The following SUSD6 variants were observed in gnomAD, a reference collection of about 807,000 sequenced individuals.
The protein encoded by SUSD6 is sushi domain containing 6, also known as sushi domain-containing protein 6.
In SUSD6, 16 loss-of-function variants were observed where a neutral mutation model predicts 28.4. The observed-to-expected ratio is 0.56, with a 90% CI of 0.38 to 0.86. The LOEUF (loss-of-function observed/expected upper bound fraction) is 0.86, where lower values mean the gene tolerates loss of function less well. Ranked by LOEUF, SUSD6 falls within the 40% of genes least tolerant of loss-of-function variation. The pLI is 0.00. For synonymous variants in SUSD6, 147 were observed against 159.6 expected, an observed-to-expected ratio of 0.92 and a Z score of 0.59; for missense variants, 341 against 384.2, an observed-to-expected ratio of 0.89 and a Z score of 0.94.
chr14:69,615,247 A>G (rs1393390884), intron 1 of SUSD6, among the ~76,000 whole-genome samples: 1 of 152,228 alleles, frequency 6.6e-6, no homozygotes, highest in Non-Finnish European at 1.5e-5. Flanking sequence ...CACGAGCTCC[A>G]TAGTACTCAG....
At chr14:69,627,540 G>A (rs975757075) in intron 1 of SUSD6, among the ~76,000 whole-genome samples, 2 of 152,042 alleles carry the variant, frequency 1.3e-5, no homozygotes, top group Non-Finnish European at 2.9e-5. Flanking sequence ...TGCAGTGGCA[G>A]GATCTTGGCT....
chr14:69,643,489 G>C (rs1885383033), intron 1 of SUSD6, among the ~76,000 whole-genome samples: 1 of 152,176 alleles, frequency 6.6e-6, no homozygotes, highest in African/African-American at 2.4e-5. Flanking sequence ...AGAAGATTCT[G>C]TGCATCCTGA....
At chr14:69,651,105 A>G (rs1885497970) in intron 1 of SUSD6, among the ~76,000 whole-genome samples, 1 of 152,212 alleles carries the variant, frequency 6.6e-6, no homozygotes, top group African/African-American at 2.4e-5. Context: ...GGGATCATCC[A>G]GGTTCACCCC....
At chr14:69,686,137 C>T (rs1244514510) in intron 2 of SUSD6, among the ~76,000 whole-genome samples, 1 of 152,112 alleles carries the variant, frequency 6.6e-6, no homozygotes, top group Non-Finnish European at 1.5e-5. Flanking sequence ...ATGAATGTGC[C>T]AGAAGTAAGA....
At chr14:69,632,632 C>G (rs1885211396) in intron 1 of SUSD6, among the ~76,000 whole-genome samples, 1 of 147,900 alleles carries the variant, frequency 6.8e-6, no homozygotes, top group Non-Finnish European at 1.5e-5. Context: ...ATGAGAATTA[C>G]AGGAAATCAC....
chr14:69,675,312 C>G lies in SUSD6; in HGVS notation c.121+16599C>G, dbSNP rs191152441. Among the ~76,000 whole-genome samples the G allele has an allele frequency of 1.9e-3, 289 of 152,254 alleles. 1 individual carries two copies. The highest frequency in any genetic ancestry group is 0.017 in the Middle Eastern group (5 of 294). On this transcript the variant is annotated intron_variant, in intron 2 of 5. Coordinates refer to ENST00000342745, the MANE Select transcript of SUSD6 (RefSeq NM_014734.4). ...CCAGGCAATATATATGCAAGCTTTTCATTACTCATTTTCATCACTCAACAT... is the reference window on the plus strand; with the variant it reads ...CCAGGCAATATATATGCAAGCTTTTGATTACTCATTTTCATCACTCAACAT...
chr14:69,705,609 A>G (rs1168131797), intron 4 of SUSD6, among the ~76,000 whole-genome samples: 1 of 152,180 alleles, frequency 6.6e-6, no homozygotes, highest in Non-Finnish European at 1.5e-5. Context: ...AAATATCAAC[A>G]CTTGGGCCTC....
chr14:69,680,513 G>A (rs538423693), intron 2 of SUSD6, among the ~76,000 whole-genome samples: 1 of 152,158 alleles, frequency 6.6e-6, no homozygotes. Context: ...CTCATACTTG[G>A]CATGATGCTA....
At chr14:69,653,658 A>G (rs1178209746) in intron 1 of SUSD6, among the ~76,000 whole-genome samples, 1 of 152,108 alleles carries the variant, frequency 6.6e-6, no homozygotes, top group Non-Finnish European at 1.5e-5. Context: ...CTAACATGCC[A>G]AAGGAATACT....
intron 1 of SUSD6, among the ~76,000 whole-genome samples, chr14:69,654,790 G>GTGTGTGTGTGTGTGT (rs1491558166): frequency 3.0e-5 from 3 of 98,990 alleles, no homozygotes; most frequent in African/African-American, 1.2e-4. Flanking sequence ...TTTTTTTTTT[G>GTGTGTGTGTGTGTGT]GTGTGTGTGT....
At chr14:69,665,297 G>A (rs563670255) in intron 2 of SUSD6, among the ~76,000 whole-genome samples, 1 of 152,234 alleles carries the variant, frequency 6.6e-6, no homozygotes, top group Non-Finnish European at 1.5e-5. Flanking sequence ...TTGGAGTGCA[G>A]TGGCTCTGTC....
intron 2 of SUSD6, among the ~76,000 whole-genome samples, chr14:69,701,435 G>A (rs1324674971): frequency 2.0e-5 from 3 of 152,104 alleles, no homozygotes; most frequent in South Asian, 2.1e-4. Context: ...ATTATGCCAC[G>A]GAAATGAACC....
At chr14:69,681,231 TA>T (rs1346933690) in intron 2 of SUSD6, among the ~76,000 whole-genome samples, 1 of 152,216 alleles carries the variant, frequency 6.6e-6, no homozygotes, top group African/African-American at 2.4e-5. Context: ...TGTCATATTT[TA>T]AAAATGGTAC....
intron 1 of SUSD6, among the ~76,000 whole-genome samples, chr14:69,654,160 A>G (rs184073915): frequency 1.3e-5 from 2 of 152,330 alleles, no homozygotes; most frequent in Middle Eastern, 6.8e-3. Flanking sequence ...AAAACCAAAA[A>G]CAAACAAAAA....
chr14:69,675,045 C>G (rs924792901), intron 2 of SUSD6, among the ~76,000 whole-genome samples: 10 of 152,206 alleles, frequency 6.6e-5, no homozygotes, highest in African/African-American at 1.4e-4. Context: ...ATTTCCCCCC[C>G]ACCCCTCTGC....
intron 2 of SUSD6, among the ~76,000 whole-genome samples, chr14:69,663,267 AT>A (rs1259166772): frequency 2.0e-5 from 3 of 152,058 alleles, no homozygotes; most frequent in African/African-American, 7.2e-5. Context: ...CTTGTTTCTG[AT>A]TTTTTTCCCC....
intron 2 of SUSD6, among the ~76,000 whole-genome samples, chr14:69,687,545 T>TAA (rs1886091313): frequency 6.6e-6 from 1 of 152,272 alleles, no homozygotes; most frequent in South Asian, 2.1e-4. Context: ...AACCAGCTCT[T>TAA]AGACTGTGAA....
intron 2 of SUSD6, among the ~76,000 whole-genome samples, chr14:69,686,848 CAGAGTCAAACCATATCATTGACCT>C: frequency 6.6e-6 from 1 of 152,276 alleles, no homozygotes; most frequent in African/African-American, 2.4e-5. Flanking sequence ...GGTGGGGACA[CAGAGTCAAACCATATCATTGACCT>C]AGTCTCTTCA....
At chr14:69,701,862 T>G (rs952245999) in intron 2 of SUSD6, among the ~76,000 whole-genome samples, 1 of 152,160 alleles carries the variant, frequency 6.6e-6, no homozygotes, top group African/African-American at 2.4e-5. Flanking sequence ...AAAAAGTGCC[T>G]TTTCTCCCCA....
Sources: gnomAD v4.1 joint callset for allele counts (sites outside exome capture counted in the v4.1 genomes callset) on GRCh38, gnomAD v4.1.1 for gene constraint, MANE v1.5 for transcripts, NCBI Gene and HGNC (gene_info 2026-07-23, HGNC 2026-07-21) for gene names.